Variants in BDKRB2 observed in about 807,000 individuals in gnomAD.
The protein encoded by BDKRB2 is B2 bradykinin receptor.
BDKRB2 carries 6 observed loss-of-function variants against 4.0 expected under a neutral mutation model. That is an observed-to-expected ratio of 1.49 (90% CI 0.81 to 2.93). The LOEUF (loss-of-function observed/expected upper bound fraction) is 2.93, where lower values mean the gene tolerates loss of function less well. Among genes scored for constraint, BDKRB2 ranks in the 30% most tolerant of loss-of-function variants. BDKRB2 has a pLI of 0.00. For synonymous variants in BDKRB2, 225 were observed against 215.3 expected, an observed-to-expected ratio of 1.05 and a Z score of -0.40; for missense variants, 478 against 520.1, an observed-to-expected ratio of 0.92 and a Z score of 0.79.
At chr14:96,239,875 A>G in intron 2 of BDKRB2, 1 of 985,576 alleles carries the variant, frequency 1.0e-6, no homozygotes, top group South Asian at 4.7e-5. Flanking sequence ...CGGAAATACG[A>G]TGCCACAGAC....
rs80087133 is a variant in BDKRB2 at position 96,228,629 on chromosome 14, A to C, written c.-39-8440A>C. ...AGTGGAGTTTGGGGTTTTTATGGGTATAGGATGGGGGGCATGGTGGGCCAG... is the reference window on the plus strand; with the variant it reads ...AGTGGAGTTTGGGGTTTTTATGGGTCTAGGATGGGGGGCATGGTGGGCCAG... On this transcript the variant is annotated intron_variant, in intron 1 of 2. Coordinates refer to ENST00000554311, the MANE Select transcript of BDKRB2 (RefSeq NM_001379692.1). 5.2e-3 allele frequency among the ~76,000 whole-genome samples: 798 copies of C among 152,196 alleles called. 13 individuals carry two copies. The highest frequency in any genetic ancestry group is 0.019 in the African/African-American group (770 of 41,506).
intron 2 of BDKRB2, chr14:96,237,600 G>A (rs375979200): frequency 1.4e-5 from 17 of 1,205,150 alleles, no homozygotes; most frequent in Non-Finnish European, 1.6e-5. Flanking sequence ...TTAAGGGGAG[G>A]GGGAGGAGGA....
intron 1 of BDKRB2, among the ~76,000 whole-genome samples, chr14:96,207,762 A>C (rs1319543970): frequency 6.6e-6 from 1 of 152,072 alleles, no homozygotes; most frequent in Non-Finnish European, 1.5e-5. Context: ...TGTGAATCTA[A>C]AACTGCTCTT....
intron 2 of BDKRB2, among the ~76,000 whole-genome samples, chr14:96,237,480 G>A (rs1890963667): frequency 6.6e-6 from 1 of 152,214 alleles, no homozygotes; most frequent in African/African-American, 2.4e-5. Flanking sequence ...AAACATTAAA[G>A]TAAATACCCA....
At chr14:96,206,735 G>T (rs1890188724) in intron 1 of BDKRB2, among the ~76,000 whole-genome samples, 1 of 152,170 alleles carries the variant, frequency 6.6e-6, no homozygotes, top group Admixed American at 6.5e-5. Flanking sequence ...TTGTGGTCAG[G>T]GAGGGGCCCA....
At chr14:96,225,963 G>A (rs1416658496) in intron 1 of BDKRB2, among the ~76,000 whole-genome samples, 4 of 152,128 alleles carry the variant, frequency 2.6e-5, no homozygotes, top group Non-Finnish European at 5.9e-5. Context: ...CCACCAGGGG[G>A]CTGGAGAGGC....
In BDKRB2 at chr14:96,241,071, T is replaced by C. The variant is rs2139800751; in HGVS notation, c.743T>C (p.Met248Thr). The C allele has an allele frequency of 1.2e-6, 2 of 1,614,100 alleles. No individual in the cohort carries two copies. The highest frequency in any genetic ancestry group is 4.5e-5 in the East Asian group (2 of 44,872). ...ATCACCTTCTGCACGATGCAGATCA[T>C]GCAGGTGCTGCGGAACAACGAGATG... ...SVITFCTMQI[M>T]QVLRNNEMQK... Residue 248 changes from methionine (M) to threonine (T), a missense_variant, in exon 3 of 3, where the codon ATG (methionine) becomes ACG (threonine). Transcript: ENST00000554311.
intron 1 of BDKRB2, among the ~76,000 whole-genome samples, chr14:96,207,179 G>A (rs751369039): frequency 6.6e-6 from 1 of 152,182 alleles, no homozygotes; most frequent in African/African-American, 2.4e-5. Flanking sequence ...TAGGGGCCTT[G>A]TCTATCCGCT....
chr14:96,238,695 C>A (rs1566696013), intron 2 of BDKRB2: 1 of 971,758 alleles, frequency 1.0e-6, no homozygotes, highest in Non-Finnish European at 1.2e-6. Flanking sequence ...GTTCCCCCTG[C>A]CTGGTCCACT....
intron 1 of BDKRB2, among the ~76,000 whole-genome samples, chr14:96,217,475 G>T (rs924942130): frequency 1.3e-5 from 2 of 152,228 alleles, no homozygotes; most frequent in African/African-American, 4.8e-5. Context: ...GCATATTGTT[G>T]AGTCTAATAA....
intron 1 of BDKRB2, among the ~76,000 whole-genome samples, chr14:96,224,826 G>T (rs915124098): frequency 6.6e-6 from 1 of 152,194 alleles, no homozygotes; most frequent in African/African-American, 2.4e-5. Context: ...GAATTCTGAA[G>T]GTTGACTCCC....
chr14:96,240,685 C>A lies in BDKRB2; in HGVS notation c.357C>A (p.Asn119Lys), dbSNP rs1455156476. The A allele has an allele frequency of 6.3e-7, 1 of 1,597,080 alleles. No homozygotes were observed. The highest frequency in any genetic ancestry group is 8.5e-7 in the Non-Finnish European group (1 of 1,172,492). The change falls in exon 3 of 3, where the codon AAC becomes AAA. Residue 119 changes from asparagine to lysine, a missense_variant. Transcript: ENST00000554311. ...CCTTCTGGGCCATCACCATCTCCAA[C>A]AACTTCGACTGGCTCTTTGGGGAGA... is the stretch of plus-strand genomic sequence containing the variant. ...GLPFWAITIS[N>K]NFDWLFGETL...
chr14:96,237,267 C>G (rs745868810), intron 2 of BDKRB2, 86 bp downstream of exon 2: 10 of 1,252,008 alleles, frequency 8.0e-6, no homozygotes, highest in Non-Finnish European at 1.2e-5. Context: ...AACTCTCATG[C>G]CCCGGACAAC....
chr14:96,230,144 A>T (rs1293607065), intron 1 of BDKRB2, among the ~76,000 whole-genome samples: 1 of 152,220 alleles, frequency 6.6e-6, no homozygotes, highest in African/African-American at 2.4e-5. Context: ...AACAAAAAAA[A>T]AAAATTAAAA....
intron 1 of BDKRB2, among the ~76,000 whole-genome samples, chr14:96,236,509 A>G (rs1890936885): frequency 6.6e-6 from 1 of 152,110 alleles, no homozygotes; most frequent in African/African-American, 2.4e-5. Flanking sequence ...ATGTCCAATC[A>G]AGCACTAGGC....
chr14:96,233,551 T>C (rs1274805652), intron 1 of BDKRB2: 2 of 152,222 alleles, frequency 1.3e-5, no homozygotes, highest in Admixed American at 1.3e-4. Flanking sequence ...CTGCGCCTGC[T>C]GTTTCTTGGA....
intron 1 of BDKRB2, among the ~76,000 whole-genome samples, chr14:96,230,087 T>C (rs1890784009): frequency 6.6e-6 from 1 of 151,116 alleles, no homozygotes; most frequent in African/African-American, 2.4e-5. Context: ...TGAGCCGAGA[T>C]CATGCCACTG....
At chr14:96,215,481 A>AAAGGGAGGGGGTT (rs11389822) in intron 1 of BDKRB2, among the ~76,000 whole-genome samples, 1 of 150,220 alleles carries the variant, frequency 6.7e-6, no homozygotes, top group Admixed American at 6.6e-5. Flanking sequence ...CAAAAAAAAA[A>AAAGGGAGGGGGTT]GGGAGGGGGT....
Position 96,241,460 on chromosome 14 carries a change from C to T in BDKRB2, c.1132C>T (p.Arg378Cys), listed in dbSNP as rs751331696. Reference protein sequence around the residue: ...GTLRTSISVERQIHKLQDWAG... With the variant: ...GTLRTSISVECQIHKLQDWAG... ...ACTGCGGACCTCCATCTCCGTGGAA[C>T]GCCAGATTCACAAACTGCAGGACTG... is the stretch of plus-strand genomic sequence containing the variant. The change falls in exon 3 of 3, where the codon CGC becomes TGC. Residue 378 changes from arginine to cysteine, a missense_variant. Coordinates refer to ENST00000554311, the MANE Select transcript of BDKRB2 (RefSeq NM_001379692.1). The T allele has an allele frequency of 1.9e-5, 30 of 1,575,930 alleles. No individual in the cohort carries two copies. The highest frequency in any genetic ancestry group is 8.2e-5 in the South Asian group (7 of 85,816).
Sources: allele counts gnomAD v4.1 joint callset (sites outside exome capture counted in the v4.1 genomes callset), GRCh38; gene constraint gnomAD v4.1.1; transcripts MANE v1.5; gene names NCBI Gene and HGNC (gene_info 2026-07-23, HGNC 2026-07-21).